The following SNTG1 variants were observed in gnomAD, a reference collection of about 807,000 sequenced individuals.
SNTG1 encodes the protein syntrophin gamma 1.
Under a neutral mutation model 74.7 loss-of-function variants are expected in SNTG1, and 39 were observed. That is an observed-to-expected ratio of 0.52 (90% CI 0.40 to 0.68). SNTG1 has a LOEUF of 0.68. SNTG1 is among the 30% of genes least tolerant of loss of function. The pLI, the probability that SNTG1 is intolerant of heterozygous loss-of-function variation, is 0.00. For missense variants in SNTG1, 685 were observed against 609.5 expected (o/e 1.12, Z -1.30); for synonymous variants, 254 against 217.1 (o/e 1.17, Z -1.49).
At chr8:49,921,818 A>G (rs961455192) in intron 1 of SNTG1, among the ~76,000 whole-genome samples, 1 of 152,168 alleles carries the variant, frequency 6.6e-6, no homozygotes, top group Non-Finnish European at 1.5e-5. Flanking sequence ...CATGTAAAAT[A>G]TGCATAAAAT....
chr8:50,758,564 C>T (rs1483333842), intron 18 of SNTG1, among the ~76,000 whole-genome samples: 2 of 151,996 alleles, frequency 1.3e-5, no homozygotes, highest in African/African-American at 4.8e-5. Context: ...CGAGTGAGAA[C>T]ATGTGGTGTT....
intron 12 of SNTG1, among the ~76,000 whole-genome samples, chr8:50,584,629 C>T (rs2094635476): frequency 6.6e-6 from 1 of 150,944 alleles, no homozygotes; most frequent in Admixed American, 6.7e-5. Flanking sequence ...GACAACAATG[C>T]TGCTGTCACA....
chr8:50,460,117 C>A (rs2093546561), intron 8 of SNTG1, among the ~76,000 whole-genome samples: 1 of 152,212 alleles, frequency 6.6e-6, no homozygotes, highest in Non-Finnish European at 1.5e-5. Context: ...AACTAGTTTA[C>A]ATTCCCACCA....
chr8:50,676,418 A>G lies in SNTG1; in HGVS notation c.1038+17755A>G, dbSNP rs191093118. On this transcript the variant is annotated intron_variant, in intron 15 of 18. Transcript: ENST00000642720. The stretch of plus-strand genomic sequence containing the variant: ...TTTCTTCCATTTGGTTGACTTGGCT[A>G]TTGATGCTTGTGTATGCTTCACAAA... 1.7e-4 allele frequency among the ~76,000 whole-genome samples: 26 copies of G among 152,040 alleles called. No homozygotes were observed. In the East Asian group the frequency reaches 4.7e-3, roughly 27 times the overall value.
intron 1 of SNTG1, among the ~76,000 whole-genome samples, chr8:49,984,535 T>C (rs1585770365): frequency 6.6e-6 from 1 of 152,300 alleles, no homozygotes; most frequent in Non-Finnish European, 1.5e-5. Context: ...TTATTTCCAG[T>C]ATCAAATGAA....
chr8:50,691,579 C>T (rs867212720), intron 15 of SNTG1, among the ~76,000 whole-genome samples: 8 of 152,180 alleles, frequency 5.3e-5, no homozygotes, highest in Admixed American at 1.3e-4. Context: ...TATTGGTCCC[C>T]ACTCTCTTCT....
intron 2 of SNTG1, among the ~76,000 whole-genome samples, chr8:50,259,985 A>T (rs1224751321): frequency 6.6e-6 from 1 of 152,126 alleles, no homozygotes. Context: ...CCACACTTTT[A>T]TGTAAGTTTT....
intron 1 of SNTG1, among the ~76,000 whole-genome samples, chr8:50,115,581 A>AAAAAAAAAAAAAAAAAAAAAAAAAAAAAC (rs1563617770): frequency 6.8e-6 from 1 of 147,722 alleles, no homozygotes; most frequent in African/African-American, 2.5e-5. Context: ...AAAAAAAAAA[A>AAAAAAAAAAAAAAAAAAAAAAAAAAAAAC]AAAAAACGAG....
intron 1 of SNTG1, among the ~76,000 whole-genome samples, chr8:49,917,788 C>T (rs959100559): frequency 6.6e-6 from 1 of 152,060 alleles, no homozygotes; most frequent in Non-Finnish European, 1.5e-5. Flanking sequence ...AATTCAAATG[C>T]CCTCAGGGTG....
intron 1 of SNTG1, among the ~76,000 whole-genome samples, chr8:50,085,046 A>C (rs1406094475): frequency 6.6e-6 from 1 of 152,248 alleles, no homozygotes; most frequent in African/African-American, 2.4e-5. Context: ...TTTGTAGTTT[A>C]AGTGCACTCT....
At chr8:50,349,031 A>G (rs970984170) in intron 2 of SNTG1, among the ~76,000 whole-genome samples, 5 of 152,238 alleles carry the variant, frequency 3.3e-5, no homozygotes, top group Non-Finnish European at 5.9e-5. Flanking sequence ...GACATTTTGT[A>G]TCTTCAAGAA....
At chr8:50,217,385 T>A (rs1028071280) in intron 2 of SNTG1, among the ~76,000 whole-genome samples, 2 of 152,086 alleles carry the variant, frequency 1.3e-5, no homozygotes, top group African/African-American at 2.4e-5. Context: ...ATATATATTA[T>A]ATGTCAGAAT....
At chr8:50,179,841 T>G (rs978837687) in intron 2 of SNTG1, among the ~76,000 whole-genome samples, 1 of 152,066 alleles carries the variant, frequency 6.6e-6, no homozygotes, top group South Asian at 2.1e-4. Context: ...AGAATGTAAA[T>G]TGGAACAGCT....
At chr8:49,995,548 A>G (rs1457520502) in intron 1 of SNTG1, among the ~76,000 whole-genome samples, 2 of 152,234 alleles carry the variant, frequency 1.3e-5, no homozygotes, top group African/African-American at 4.8e-5. Flanking sequence ...AATAGCATTC[A>G]GCAGTTCAGG....
chr8:50,159,176 T>C (rs1023363264), intron 1 of SNTG1, among the ~76,000 whole-genome samples: 1 of 152,196 alleles, frequency 6.6e-6, no homozygotes, highest in Non-Finnish European at 1.5e-5. Flanking sequence ...TATTGACTTT[T>C]AGAAGATTTT....
intron 1 of SNTG1, among the ~76,000 whole-genome samples, chr8:50,101,299 A>T (rs2080115726): frequency 6.6e-6 from 1 of 152,080 alleles, no homozygotes; most frequent in South Asian, 2.1e-4. Context: ...TATAGTCAGT[A>T]ATAGGATTGT....
chr8:50,172,155 C>T (rs1386511156), intron 1 of SNTG1, among the ~76,000 whole-genome samples: 2 of 152,168 alleles, frequency 1.3e-5, no homozygotes, highest in African/African-American at 4.8e-5. Context: ...CACTTCTTGG[C>T]ATTAAATCAA....
intron 15 of SNTG1, among the ~76,000 whole-genome samples, chr8:50,670,718 A>G (rs1161697088): frequency 2.7e-5 from 4 of 146,992 alleles, no homozygotes; most frequent in African/African-American, 7.7e-5. Flanking sequence ...GAACCAAAAA[A>G]GAGCCCGCAT....
chr8:50,045,289 C>T (rs967640942), intron 1 of SNTG1, among the ~76,000 whole-genome samples: 2 of 152,160 alleles, frequency 1.3e-5, no homozygotes, highest in African/African-American at 4.8e-5. Flanking sequence ...GCTCCAGCAT[C>T]TGCTTCTAGT....
Sources: allele counts gnomAD v4.1 joint callset (sites outside exome capture counted in the v4.1 genomes callset), GRCh38; gene constraint gnomAD v4.1.1; transcripts MANE v1.5; gene names NCBI Gene and HGNC (gene_info 2026-07-23, HGNC 2026-07-21).